The following LHX4 variants were observed in gnomAD, a reference collection of about 807,000 sequenced individuals.
The protein encoded by LHX4 is LIM/homeobox protein Lhx4.
Under a neutral mutation model 39.2 loss-of-function variants are expected in LHX4, and 16 were observed. That is an observed-to-expected ratio of 0.41 (90% CI 0.28 to 0.62). The LOEUF is 0.62. Among genes scored for constraint, LHX4 ranks in the 20% least tolerant of loss-of-function variants. The pLI, the probability that LHX4 is intolerant of heterozygous loss-of-function variation, is 0.33. For missense variants in LHX4, 439 were observed against 511.9 expected, an observed-to-expected ratio of 0.86 and a Z score of 1.37; for synonymous variants, 206 against 198.1, an observed-to-expected ratio of 1.04 and a Z score of -0.33.
intron 2 of LHX4, among the ~76,000 whole-genome samples, chr1:180,264,276 T>G (rs1648221910): frequency 6.6e-6 from 1 of 152,210 alleles, no homozygotes. Flanking sequence ...AGTACCTGCT[T>G]TGCAAATTGG....
chr1:180,234,177 AT>A lies in LHX4; in HGVS notation c.76+3573del, dbSNP rs1343604064. On this transcript the variant is annotated intron_variant, in intron 1 of 5. Coordinates refer to ENST00000263726, the MANE Select transcript of LHX4 (RefSeq NM_033343.4). The surrounding 1 kb of genome is among the most constrained non-coding windows in gnomAD (Gnocchi z 4.8). ...CACACAACACACACAAATTATATAT[AT>A]ATATATATATATATATATATATATA... Among the ~76,000 whole-genome samples, 2 of 22,780 alleles carry A rather than the reference AT, an allele frequency of 8.8e-5. No homozygotes were observed. The highest frequency in any genetic ancestry group is 2.9e-4 in the Admixed American group (1 of 3,408). The allele number at this position is 22,780 out of a possible 152,430, so 14.9% of individuals were successfully genotyped here.
chr1:180,272,943 G>A (rs1408942715), intron 5 of LHX4: 6 of 152,226 alleles, frequency 3.9e-5, no homozygotes, highest in African/African-American at 1.2e-4. Context: ...CTCCCGCAGA[G>A]GGCCCTGGTC....
At chr1:180,258,600 A>G (rs1348469251) in intron 2 of LHX4, among the ~76,000 whole-genome samples, 1 of 152,164 alleles carries the variant, frequency 6.6e-6, no homozygotes, top group East Asian at 1.9e-4. Context: ...AGCCCAAGCT[A>G]GGGAAGGCGG....
chr1:180,278,285 G>C lies in LHX4; in HGVS notation c.*3706G>C, dbSNP rs576139202. 1 of 152,352 alleles carries C rather than the reference G, an allele frequency of 6.6e-6. No individual in the cohort carries two copies. Among genetic ancestry groups the C allele is most frequent in the East Asian group, 1.9e-4 (1 of 5,182 alleles). The allele number at this position is 152,352 out of a possible 1,614,324, so 9.4% of individuals were successfully genotyped here. ...GGAAATGAGTTTTGTTTTATTGCCT[G>C]CTGCTGAAGGGCTCTGGGCATGCTG... is the stretch of plus-strand genomic sequence containing the variant. On this transcript the variant is annotated 3_prime_UTR_variant, in exon 6 of 6. Transcript: ENST00000263726.
intron 2 of LHX4, among the ~76,000 whole-genome samples, chr1:180,261,352 G>T (rs1157718425): frequency 6.7e-6 from 1 of 149,322 alleles, no homozygotes; most frequent in Non-Finnish European, 1.5e-5. Flanking sequence ...CCAGCAGAGG[G>T]GAAGCTAATG....
chr1:180,257,964 CCAAATGAAGAA>C (rs1320595379), intron 2 of LHX4, among the ~76,000 whole-genome samples: 1 of 152,212 alleles, frequency 6.6e-6, no homozygotes, highest in Non-Finnish European at 1.5e-5. Context: ...GTCCTCATGT[CCAAATGAAGAA>C]CAGGCCTTCA....
At chr1:180,245,558 T>G (rs1172994098) in intron 1 of LHX4, among the ~76,000 whole-genome samples, 1 of 152,240 alleles carries the variant, frequency 6.6e-6, no homozygotes, top group Non-Finnish European at 1.5e-5. Flanking sequence ...GGGATTCTTA[T>G]GAGGGCTCCA....
chr1:180,243,665 G>A (rs145516592), intron 1 of LHX4, among the ~76,000 whole-genome samples: 29 of 152,214 alleles, frequency 1.9e-4, no homozygotes, highest in African/African-American at 6.7e-4. Context: ...GTAGCTGGGG[G>A]AGGAGATTGT....
At position 180,234,187 on chromosome 1, in the gene LHX4, A is replaced by ATATATG. The variant is rs1664252775; in HGVS notation, c.76+3587_76+3588insGTATAT. Reference sequence around the variant, plus strand: ...ACACAAATTATATATATATATATATATATATATATATATATATATATATAT... The same window carrying ATATATG: ...ACACAAATTATATATATATATATATATATATGTATATATATATATATATATATATAT... On this transcript the variant is annotated intron_variant, in intron 1 of 5. Coordinates refer to ENST00000263726, the MANE Select transcript of LHX4 (RefSeq NM_033343.4). This position sits in a 1 kb window ranked among gnomAD's most constrained non-coding sequence, Gnocchi z 4.8. 2.0e-5 allele frequency among the ~76,000 whole-genome samples: 1 copy of ATATATG among 48,852 alleles called. No homozygotes were observed. The highest frequency in any genetic ancestry group is 4.2e-5 in the Non-Finnish European group (1 of 23,592). The allele number at this position is 48,852 out of a possible 152,430, so 32.0% of individuals were successfully genotyped here.
At chr1:180,237,747 TA>T (rs1664359756) in intron 1 of LHX4, among the ~76,000 whole-genome samples, 1 of 152,194 alleles carries the variant, frequency 6.6e-6, no homozygotes, top group African/African-American at 2.4e-5. Flanking sequence ...ATTATGATGT[TA>T]GGGGGTTAAG....
At chr1:180,246,666 G>T (rs1647395248) in intron 1 of LHX4, among the ~76,000 whole-genome samples, 1 of 152,192 alleles carries the variant, frequency 6.6e-6, no homozygotes, top group East Asian at 1.9e-4. Context: ...AGCTGAGATT[G>T]TGCCACTGCA....
intron 1 of LHX4, among the ~76,000 whole-genome samples, chr1:180,233,630 TG>T (rs1664230952): frequency 6.6e-6 from 1 of 152,166 alleles, no homozygotes; most frequent in Admixed American, 6.5e-5. Context: ...TATAGGAAGG[TG>T]GGGCGTTTTA....
At chr1:180,249,886 AGTGT>A (rs945948267) in intron 2 of LHX4, among the ~76,000 whole-genome samples, 13 of 143,456 alleles carry the variant, frequency 9.1e-5, no homozygotes, top group East Asian at 2.0e-4. Flanking sequence ...TGCGTGTGTG[AGTGT>A]GTGTATGAGT....
At position 180,255,518 on chromosome 1, in the gene LHX4, G is replaced by A. The variant is rs543775362; in HGVS notation, c.248+7062G>A. On this transcript the variant is annotated intron_variant, in intron 2 of 5. Coordinates refer to ENST00000263726, the MANE Select transcript of LHX4 (RefSeq NM_033343.4). The stretch of plus-strand genomic sequence containing the variant: ...GAATAGTTTATAGTCTAATTTCCTC[G>A]CTAAGCAAATTAAACCTTTTAAGGT... Among the ~76,000 whole-genome samples, 52 of 152,302 alleles carry A rather than the reference G, an allele frequency of 3.4e-4. No homozygotes were observed. The South Asian group carries it at 0.01, about 30-fold the overall frequency.
chr1:180,255,911 G>A (rs570042265), intron 2 of LHX4, among the ~76,000 whole-genome samples: 2 of 152,372 alleles, frequency 1.3e-5, no homozygotes, highest in South Asian at 2.1e-4. Flanking sequence ...CATCTGGGCT[G>A]TGGAAACGGG....
In LHX4 at chr1:180,271,547, C is replaced by T; in HGVS notation, c.606+13C>T. On this transcript the variant is annotated intron_variant, in intron 4 of 5. Transcript: ENST00000263726. ...GAGGGTCGTACAGGTGAGATGCCAG[C>T]ACTCCTGTGCCCTCCGGGGATCCCA... is the stretch of plus-strand genomic sequence containing the variant. 1 of 1,613,922 alleles carries T rather than the reference C, an allele frequency of 6.2e-7. No individual in the cohort carries two copies.
intron 2 of LHX4, among the ~76,000 whole-genome samples, chr1:180,262,861 T>C (rs2149261993): frequency 6.6e-6 from 1 of 152,342 alleles, no homozygotes; most frequent in South Asian, 2.1e-4. Context: ...TGGGCAGGGA[T>C]AAGACAATTT....
intron 1 of LHX4, among the ~76,000 whole-genome samples, chr1:180,235,621 G>T (rs1664297019): frequency 6.6e-6 from 1 of 152,224 alleles, no homozygotes; most frequent in Non-Finnish European, 1.5e-5. Flanking sequence ...TCGAGCCTCG[G>T]CTCCCCACTC....
At chr1:180,253,283 C>A (rs903408153) in intron 2 of LHX4, among the ~76,000 whole-genome samples, 1 of 152,186 alleles carries the variant, frequency 6.6e-6, no homozygotes, top group Admixed American at 6.5e-5. Context: ...GAGTAGGGAT[C>A]CAGGAGTGGG....
Sources: gnomAD v4.1 joint callset for allele counts (sites outside exome capture counted in the v4.1 genomes callset) on GRCh38, gnomAD v4.1.1 for gene constraint, Gnocchi (gnomAD v3.1) non-coding constraint, MANE v1.5 for transcripts, NCBI Gene and HGNC (gene_info 2026-07-23, HGNC 2026-07-21) for gene names.